ZSCAN25: variants seen among roughly 807,000 people sequenced by gnomAD.
ZSCAN25 encodes the protein zinc finger and SCAN domain-containing protein 25.
Under a neutral mutation model 38.7 loss-of-function variants are expected in ZSCAN25, and 27 were observed. The ratio of observed to expected loss-of-function variants is 0.70; its 90% CI spans 0.51 to 0.96. The LOEUF is 0.96. ZSCAN25 is among the 40% of genes least tolerant of loss of function. ZSCAN25 has a pLI of 0.00. For synonymous variants in ZSCAN25, 273 were observed against 277.7 expected, an observed-to-expected ratio of 0.98 and a Z score of 0.17; for missense variants, 637 against 705.9, an observed-to-expected ratio of 0.90 and a Z score of 1.11.
the ZSCAN25 span, among the ~76,000 whole-genome samples, chr7:99,662,360 T>C: frequency 6.6e-6 from 1 of 152,210 alleles, no homozygotes; most frequent in Non-Finnish European, 1.5e-5. The surrounding 1 kb of genome is among the most constrained non-coding windows in gnomAD (Gnocchi z 4.3). Flanking sequence ...TGTCCCCCAT[T>C]AGTTACTTAT....
At chr7:99,680,514 T>A in the ZSCAN25 span, among the ~76,000 whole-genome samples, 1 of 152,226 alleles carries the variant, frequency 6.6e-6, no homozygotes, top group Non-Finnish European at 1.5e-5. Flanking sequence ...TAAGTTTCTA[T>A]GCCTGTTTCC....
chr7:99,679,100 A>G, the ZSCAN25 span, among the ~76,000 whole-genome samples: 1 of 152,322 alleles, frequency 6.6e-6, no homozygotes, highest in Non-Finnish European at 1.5e-5. Context: ...AGACGGGAGG[A>G]AAAAGATTAA....
the ZSCAN25 span, among the ~76,000 whole-genome samples, chr7:99,692,946 G>A: frequency 6.6e-6 from 1 of 152,180 alleles, no homozygotes; most frequent in African/African-American, 2.4e-5. Context: ...TGCTGGTGAG[G>A]AGCTGTGATC....
chr7:99,636,751 T>C (rs1303598571), downstream of ZSCAN25, among the ~76,000 whole-genome samples: 1 of 152,262 alleles, frequency 6.6e-6, no homozygotes, highest in Non-Finnish European at 1.5e-5. Flanking sequence ...CAAAATATTA[T>C]CATAGTGGTT....
the ZSCAN25 span, among the ~76,000 whole-genome samples, chr7:99,722,906 G>C: frequency 1.3e-5 from 2 of 152,154 alleles, no homozygotes; most frequent in South Asian, 4.1e-4. Context: ...GTGAGTGACA[G>C]AATGACAAAG....
chr7:99,733,339 C>T, the ZSCAN25 span, among the ~76,000 whole-genome samples: 4 of 152,194 alleles, frequency 2.6e-5, no homozygotes, highest in African/African-American at 9.7e-5. Context: ...CATGATTCCA[C>T]GTCAAGGCAG....
the ZSCAN25 span, chr7:99,714,623 T>G: frequency 1.2e-6 from 2 of 1,613,324 alleles, no homozygotes; most frequent in African/African-American, 2.7e-5. Context: ...CTTATAACTT[T>G]TCTTGGAAAC....
At chr7:99,679,069 A>G in the ZSCAN25 span, among the ~76,000 whole-genome samples, 2 of 152,230 alleles carry the variant, frequency 1.3e-5, no homozygotes, top group Non-Finnish European at 2.9e-5. Context: ...ACAAAGCTCT[A>G]TATTAATCCT....
At chr7:99,715,761 T>C in the ZSCAN25 span, 15 of 1,613,602 alleles carry the variant, frequency 9.3e-6, no homozygotes, top group African/African-American at 5.3e-5. Context: ...CACATACTTA[T>C]TGAGAGAACG....
Position 99,631,278 on chromosome 7 carries a change from CTG to C in ZSCAN25, c.*1259_*1260del. On this transcript the variant is annotated 3_prime_UTR_variant, in exon 8 of 8. Transcript: ENST00000394152. ...AGGCACTAGGGGTCCTGGACACCCA[CTG>C]GGGATGATGAGCTGGTAGCGACCTG... 1 of 985,400 alleles carries C rather than the reference CTG, an allele frequency of 1.0e-6. No individual in the cohort carries two copies. Among genetic ancestry groups the C allele is most frequent in the Non-Finnish European group, 1.2e-6 (1 of 829,924 alleles). 61.0% of individuals were successfully genotyped at this position (985,400 alleles called of 1,614,324 possible). A position where few individuals can be genotyped will look rare whatever the true frequency, so the allele number is the denominator to read the frequency against.
In ZSCAN25 at chr7:99,619,878, T is replaced by C; in HGVS notation, c.272T>C (p.Leu91Pro). Reference protein sequence around the residue: ...ILELLVLEQFLTILPREFYAW... With the variant: ...ILELLVLEQFPTILPREFYAW... ...GAGCTGCTGGTGCTGGAGCAGTTCC[T>C]CACTATCCTGCCCCGCGAGTTCTAC... The change falls in exon 4 of 8, where the codon CTC (leucine) becomes CCC (proline). Residue 91 changes from leucine (L) to proline (P), a missense_variant. Physicochemically the swap from Leu to Pro is moderately conservative, Grantham distance 98. Transcript: ENST00000394152. 1 of 1,614,198 alleles carries C rather than the reference T, an allele frequency of 6.2e-7. No homozygotes were observed. The highest frequency in any genetic ancestry group is 8.5e-7 in the Non-Finnish European group (1 of 1,180,044).
chr7:99,619,573 AGT>A lies in ZSCAN25; in HGVS notation c.-33_-32del, dbSNP rs1292245744. On this transcript the variant is annotated 5_prime_UTR_variant, in exon 4 of 8. It removes the in-frame stop codon of an upstream open reading frame in the 5' UTR. Coordinates refer to ENST00000394152, the MANE Select transcript of ZSCAN25 (RefSeq NM_145115.3). The stretch of plus-strand genomic sequence containing the variant: ...TTGTTCTCAAAAGGGTCATTGATGC[AGT>A]CATTCTCAGTCTCCTCGGAGGGAGT... 6.4e-7 allele frequency: 1 copy of A among 1,574,722 alleles called. No individual in the cohort carries two copies. The highest frequency in any genetic ancestry group is 1.4e-5 in the African/African-American group (1 of 73,666).
At chr7:99,685,026 A>G in the ZSCAN25 span, 1 of 752,636 alleles carries the variant, frequency 1.3e-6, no homozygotes, top group Non-Finnish European at 2.2e-6. Context: ...TTTATGCAGT[A>G]CAGTGGATGA....
chr7:99,707,439 T>A, the ZSCAN25 span, among the ~76,000 whole-genome samples: 1 of 152,224 alleles, frequency 6.6e-6, no homozygotes, highest in Non-Finnish European at 1.5e-5. Context: ...AGAAAACTTC[T>A]ACAAGTTCTG....
At chr7:99,731,255 T>A in the ZSCAN25 span, 1 of 1,329,450 alleles carries the variant, frequency 7.5e-7, no homozygotes, top group Non-Finnish European at 1.1e-6. Flanking sequence ...GCAAAGGAGG[T>A]AACATTAAGG....
chr7:99,659,077 C>T, the ZSCAN25 span: 2 of 152,244 alleles, frequency 1.3e-5, no homozygotes, highest in Non-Finnish European at 2.9e-5. Flanking sequence ...CTTCTTCTCT[C>T]AACTCGTCAA....
the ZSCAN25 span, chr7:99,720,393 G>A: frequency 6.2e-7 from 1 of 1,613,576 alleles, no homozygotes. Context: ...GCCAGCATAG[G>A]CTGTTGACAG....
the ZSCAN25 span, chr7:99,714,634 A>G: frequency 1.2e-6 from 2 of 1,613,292 alleles, no homozygotes; most frequent in South Asian, 2.2e-5. Flanking sequence ...TCTTGGAAAC[A>G]CAGTGATATT....
the ZSCAN25 span, among the ~76,000 whole-genome samples, chr7:99,704,875 T>C: frequency 1.1e-4 from 17 of 152,090 alleles, no homozygotes; most frequent in African/African-American, 3.4e-4. Context: ...GGCAGGAGAA[T>C]GGCGTGAACC....
Sources: allele counts gnomAD v4.1 joint callset (sites outside exome capture counted in the v4.1 genomes callset), GRCh38; gene constraint gnomAD v4.1.1; non-coding constraint Gnocchi (gnomAD v3.1); transcripts MANE v1.5; gene names NCBI Gene and HGNC (gene_info 2026-07-23, HGNC 2026-07-21).